Variants in ADGRL2 observed in about 807,000 individuals in gnomAD.
The protein encoded by ADGRL2 is adhesion G protein-coupled receptor L2.
A neutral mutation model predicts 157.4 loss-of-function variants in ADGRL2; 44 were observed. The observed-to-expected ratio is 0.28, with a 90% CI of 0.22 to 0.36. The LOEUF is 0.36. ADGRL2 is among the 10% of genes least tolerant of loss of function. ADGRL2 has a pLI of 1.00. For missense variants in ADGRL2, 1,510 were observed against 1,768.9 expected, an observed-to-expected ratio of 0.85 and a Z score of 2.63; for synonymous variants, 585 against 624.7, an observed-to-expected ratio of 0.94 and a Z score of 0.95.
intron 17 of ADGRL2, 76 bp from the exon 18 acceptor site, chr1:81,979,793 A>G (rs1661156355): frequency 2.4e-6 from 2 of 831,744 alleles, no homozygotes; most frequent in South Asian, 1.5e-5. Context: ...ATAAACATGG[A>G]TCGATACATT....
chr1:81,482,835 A>G (rs1175123355), intron 2 of ADGRL2, among the ~76,000 whole-genome samples: 1 of 151,288 alleles, frequency 6.6e-6, no homozygotes, highest in African/African-American at 2.4e-5. Context: ...ATTGAATTAT[A>G]CATATATTTT....
At chr1:81,501,148 T>C (rs17106578) in intron 2 of ADGRL2, among the ~76,000 whole-genome samples, 27,696 of 152,182 alleles carry the variant, frequency 0.18, 2,886 homozygotes, top group African/African-American at 0.28. Flanking sequence ...ATGTTAATTG[T>C]TTAAGGATAG....
At chr1:81,326,793 A>G (rs892230142) in intron 1 of ADGRL2, among the ~76,000 whole-genome samples, 2 of 152,202 alleles carry the variant, frequency 1.3e-5, no homozygotes, top group South Asian at 2.1e-4. Context: ...TAAGAATTCT[A>G]TTTAGACTTT....
chr1:81,729,249 T>A (rs1399321772), intron 1 of ADGRL2, among the ~76,000 whole-genome samples: 1 of 152,098 alleles, frequency 6.6e-6, no homozygotes, highest in Non-Finnish European at 1.5e-5. Context: ...TGTATTTATT[T>A]TTCAACTTAA....
intron 2 of ADGRL2, among the ~76,000 whole-genome samples, chr1:81,891,939 C>T (rs1156984753): frequency 6.7e-6 from 1 of 149,884 alleles, no homozygotes; most frequent in Non-Finnish European, 1.5e-5. Flanking sequence ...CTTTGCAGAA[C>T]ATAATAAGTG....
intron 1 of ADGRL2, among the ~76,000 whole-genome samples, chr1:81,415,826 A>G (rs1364844854): frequency 6.6e-6 from 1 of 150,632 alleles, no homozygotes; most frequent in Non-Finnish European, 1.5e-5. Context: ...ACATTTGAAG[A>G]ACAGTATCTC....
At chr1:81,490,893 CCAA>C (rs898113455) in intron 2 of ADGRL2, among the ~76,000 whole-genome samples, 1 of 152,150 alleles carries the variant, frequency 6.6e-6, no homozygotes, top group Non-Finnish European at 1.5e-5. Context: ...ACAATGCCCA[CCAA>C]CAATAGAATG....
intron 3 of ADGRL2, among the ~76,000 whole-genome samples, chr1:81,654,371 T>C (rs2082485991): frequency 6.6e-6 from 1 of 152,178 alleles, no homozygotes; most frequent in Non-Finnish European, 1.5e-5. Context: ...TTACAAGAGC[T>C]TTTACTTCTG....
chr1:81,562,732 A>G (rs889245964), intron 2 of ADGRL2, among the ~76,000 whole-genome samples: 10 of 152,030 alleles, frequency 6.6e-5, no homozygotes, highest in Non-Finnish European at 1.5e-4. Context: ...AACTATTAGG[A>G]AATATTTTTT....
chr1:81,665,678 G>A (rs910359033), intron 3 of ADGRL2, among the ~76,000 whole-genome samples: 1 of 152,134 alleles, frequency 6.6e-6, no homozygotes, highest in East Asian at 1.9e-4. Flanking sequence ...ATCTCTGAGA[G>A]AGAGACTATA....
At chr1:81,758,981 G>A (rs1411638934) in intron 1 of ADGRL2, among the ~76,000 whole-genome samples, 1 of 151,814 alleles carries the variant, frequency 6.6e-6, no homozygotes, top group Non-Finnish European at 1.5e-5. Context: ...AAGGTTACAG[G>A]GCTTCCAAAC....
chr1:81,691,774 C>T (rs558545525), intron 3 of ADGRL2, among the ~76,000 whole-genome samples: 1 of 151,596 alleles, frequency 6.6e-6, no homozygotes, highest in South Asian at 2.1e-4. Context: ...TCTGGGATTA[C>T]AGGTGTGAGC....
At chr1:81,361,490 G>C (rs2075977906) in intron 1 of ADGRL2, among the ~76,000 whole-genome samples, 1 of 151,872 alleles carries the variant, frequency 6.6e-6, no homozygotes, top group South Asian at 2.1e-4. Flanking sequence ...TCAAAGCCTT[G>C]AGGAAGTCCT....
At chr1:81,756,928 C>T (rs1027914090) in intron 1 of ADGRL2, among the ~76,000 whole-genome samples, 1 of 152,158 alleles carries the variant, frequency 6.6e-6, no homozygotes, top group African/African-American at 2.4e-5. Flanking sequence ...GCCACCCTTT[C>T]CTCCTACTGT....
At chr1:81,415,512 G>A (rs1008953918) in intron 1 of ADGRL2, among the ~76,000 whole-genome samples, 4 of 152,186 alleles carry the variant, frequency 2.6e-5, no homozygotes, top group Admixed American at 1.3e-4. Context: ...GATACGATAA[G>A]AGGAAAGGGA....
intron 2 of ADGRL2, among the ~76,000 whole-genome samples, chr1:81,789,064 G>A (rs1230327006): frequency 3.3e-5 from 5 of 152,142 alleles, no homozygotes; most frequent in Non-Finnish European, 7.4e-5. Flanking sequence ...AGAGTTGACA[G>A]ATGATAGATT....
chr1:81,418,135 T>C (rs1024843005), intron 1 of ADGRL2, among the ~76,000 whole-genome samples: 1 of 152,226 alleles, frequency 6.6e-6, no homozygotes, highest in Non-Finnish European at 1.5e-5. Flanking sequence ...ACTACCAATG[T>C]ATGCTAGGTC....
intron 2 of ADGRL2, among the ~76,000 whole-genome samples, chr1:81,762,792 C>G (rs2085932667): frequency 6.6e-6 from 1 of 151,944 alleles, no homozygotes; most frequent in Non-Finnish European, 1.5e-5. Context: ...GTGGCTCATG[C>G]CTGTAATCCC....
chr1:81,354,148 C>T (rs756584509), intron 1 of ADGRL2, among the ~76,000 whole-genome samples: 4 of 152,120 alleles, frequency 2.6e-5, no homozygotes, highest in African/African-American at 4.8e-5. Flanking sequence ...TTCCTATAAG[C>T]CAGGCATTCA....
Sources: gnomAD v4.1 joint callset for allele counts (sites outside exome capture counted in the v4.1 genomes callset) on GRCh38, gnomAD v4.1.1 for gene constraint, MANE v1.5 for transcripts, NCBI Gene and HGNC (gene_info 2026-07-23, HGNC 2026-07-21) for gene names.